NPC1: variants seen among roughly 807,000 people sequenced by gnomAD.
NPC1 encodes the protein NPC intracellular cholesterol transporter 1, also known as Niemann-Pick C1 protein.
In NPC1, 85 loss-of-function variants were observed where a neutral mutation model predicts 140.4. The ratio of observed to expected loss-of-function variants is 0.61; its 90% CI spans 0.51 to 0.72. The LOEUF (loss-of-function observed/expected upper bound fraction) is 0.72, where lower values mean the gene tolerates loss of function less well. Among genes scored for constraint, NPC1 ranks in the 30% least tolerant of loss-of-function variants. The pLI, the probability that NPC1 is intolerant of heterozygous loss-of-function variation, is 0.00. For missense variants in NPC1, 1,504 were observed against 1,623.8 expected, an observed-to-expected ratio of 0.93 and a Z score of 1.27; for synonymous variants, 656 against 624.8, an observed-to-expected ratio of 1.05 and a Z score of -0.74.
rs1301915244 is a variant in NPC1 at position 23,540,433 on chromosome 18, A to G, written c.2604+15T>C. 6.8e-7 allele frequency: 1 copy of G among 1,466,298 alleles called. No homozygotes were observed. Among genetic ancestry groups the G allele is most frequent in the Non-Finnish European group, 9.5e-7 (1 of 1,057,562 alleles). The allele number at this position is 1,466,298 out of a possible 1,614,324, so 90.8% of individuals were successfully genotyped here. ...TAAAGAAGTTAAAAAAAAAAAAAAA[A>G]GGAAGTCATCTTACATCTGGCATCG... On this transcript the variant is annotated intron_variant, in intron 17 of 24. Transcript: ENST00000269228.
Position 23,543,467 on chromosome 18 carries a change from C to CT in NPC1, c.2232dup (p.Ala745SerfsTer27). ...AAAGCATAATTACCTAAGAAAAATG[C>CT]TACAGTCTCAGAAAAGGATGACAGG... On this transcript the variant is annotated frameshift_variant, in exon 14 of 25. Transcript: ENST00000269228. LOFTEE classifies it high-confidence loss of function. The CT allele has an allele frequency of 6.3e-7, 1 of 1,599,492 alleles. No homozygotes were observed.
At chr18:23,537,002 C>T in intron 20 of NPC1, 126 bp from the exon 21 acceptor site, 1 of 760,618 alleles carries the variant, frequency 1.3e-6, no homozygotes, top group Non-Finnish European at 2.3e-6. Context: ...CTGTACATTT[C>T]AGGGATGAAG....
At chr18:23,532,318 A>C in intron 24 of NPC1, 34 bp from the exon 25 acceptor site, 1 of 1,613,274 alleles carries the variant, frequency 6.2e-7, no homozygotes, top group Non-Finnish European at 8.5e-7. Flanking sequence ...TTATTTCTGC[A>C]GGAGAAAGGG....
intron 4 of NPC1, among the ~76,000 whole-genome samples, chr18:23,565,295 A>C (rs1473564936): frequency 6.6e-6 from 1 of 152,182 alleles, no homozygotes; most frequent in African/African-American, 2.4e-5. Context: ...TAAACATGGA[A>C]TGTCTTTCCA....
At chr18:23,513,505 A>G (rs1298050550) in intron 3 of NPC1, among the ~76,000 whole-genome samples, 1 of 152,248 alleles carries the variant, frequency 6.6e-6, no homozygotes, top group African/African-American at 2.4e-5. Flanking sequence ...CTGTCAATAC[A>G]GGTATGCAGA....
chr18:23,544,940 A>ACCACC lies in NPC1; in HGVS notation c.1947+15_1947+19dup, dbSNP rs1555634596. 113 of 1,206,192 alleles carry ACCACC rather than the reference A, an allele frequency of 9.4e-5. 2 individuals carry two copies. Among genetic ancestry groups the ACCACC allele is most frequent in the East Asian group, 2.8e-4 (10 of 35,148 alleles). The allele number at this position is 1,206,192 out of a possible 1,614,324, so 74.7% of individuals were successfully genotyped here. ...ACTGCTGTTAACCTCTAGAACATACACCACCCCCCCCCGGCTTACCAGAAG... is the reference window on the plus strand; with the variant it reads ...ACTGCTGTTAACCTCTAGAACATACACCACCCCACCCCCCCCCGGCTTACCAGAAG... On this transcript the variant is annotated intron_variant, in intron 12 of 24. Transcript: ENST00000269228.
chr18:23,534,024 G>A (rs993624812), intron 23 of NPC1: 16 of 322,132 alleles, frequency 5.0e-5, no homozygotes, highest in South Asian at 2.5e-4. Context: ...AAAGTGTTAC[G>A]AAACAAAGTT....
chr18:23,529,231 G>A (rs758240733), downstream of NPC1: 25 of 1,614,034 alleles, frequency 1.5e-5, no homozygotes, highest in East Asian at 2.2e-5. Flanking sequence ...AGGCCGGTGC[G>A]GACCCAGGCG....
At chr18:23,543,347 G>GAAAAAAAAAAAAAGA (rs2058738389) in intron 14 of NPC1, 108 bp downstream of exon 14, 2 of 404,864 alleles carry the variant, frequency 4.9e-6, no homozygotes, top group African/African-American at 5.6e-5. Flanking sequence ...AAAAAAAAAA[G>GAAAAAAAAAAAAAGA]AAAAAAAAAA....
Position 23,568,857 on chromosome 18 carries a change from C to G in NPC1, c.429G>C (p.Glu143Asp). The G allele has an allele frequency of 1.9e-6, 3 of 1,614,096 alleles. No homozygotes were observed. Among genetic ancestry groups the G allele is most frequent in the South Asian group, 1.1e-5 (1 of 91,086 alleles). The change falls in exon 4 of 25, where the codon GAG (glutamate) becomes GAC (aspartate). Residue 143 changes from glutamate (E) to aspartate (D), a missense_variant. Coordinates refer to ENST00000269228, the MANE Select transcript of NPC1 (RefSeq NM_000271.5). The stretch of plus-strand genomic sequence containing the variant: ...AACTCTGTCCGACGTAGTATTGTAA[C>G]TCTTTCACATTTGTTTTCGTCTGGT... Reference protein sequence around the residue: ...VTNQTKTNVKELQYYVGQSFA... With the variant: ...VTNQTKTNVKDLQYYVGQSFA...
intron 16 of NPC1, 133 bp from the exon 17 acceptor site, chr18:23,540,670 G>A: frequency 1.4e-6 from 1 of 729,256 alleles, no homozygotes; most frequent in Non-Finnish European, 2.4e-6. Context: ...CTAATAGGGA[G>A]TACAGGGCAG....
At position 23,556,337 on chromosome 18, in the gene NPC1, C is replaced by T. The variant is rs77080672; in HGVS notation, c.1232G>A (p.Arg411Gln). The change falls in exon 8 of 25, where the codon CGG becomes CAG. Residue 411 changes from arginine to glutamine, a missense_variant. Coordinates refer to ENST00000269228, the MANE Select transcript of NPC1 (RefSeq NM_000271.5). ...PFFRTEQLIIRAPLTDKHIYQ... is the reference protein window; with the variant it reads ...PFFRTEQLIIQAPLTDKHIYQ... ...AATGTGTTTGTCAGTGAGAGGGGCC[C>T]GGATGATGAGCTGCTCCGTCCGGAA... The T allele has an allele frequency of 3.4e-4, 555 of 1,614,022 alleles. 4 individuals are homozygous for T. The African/African-American group carries it at 6.5e-3, about 19-fold the overall frequency.
At chr18:23,578,854 C>T (rs1434052510) in intron 1 of NPC1, among the ~76,000 whole-genome samples, 1 of 152,256 alleles carries the variant, frequency 6.6e-6, no homozygotes, top group Non-Finnish European at 1.5e-5. Flanking sequence ...TTCGAACCCA[C>T]CTCCCATAGC....
chr18:23,577,103 T>C (rs1465799438), intron 1 of NPC1, among the ~76,000 whole-genome samples: 1 of 150,836 alleles, frequency 6.6e-6, no homozygotes, highest in Non-Finnish European at 1.5e-5. Context: ...CCCCATCAGA[T>C]TAGTTAGATA....
chr18:23,562,363 A>G (rs2059055532), intron 4 of NPC1, among the ~76,000 whole-genome samples: 1 of 152,086 alleles, frequency 6.6e-6, no homozygotes, highest in Middle Eastern at 3.4e-3. Flanking sequence ...TTACACATAC[A>G]CACAACACAT....
At chr18:23,570,961 G>T (rs921590312) in intron 3 of NPC1, among the ~76,000 whole-genome samples, 2 of 152,154 alleles carry the variant, frequency 1.3e-5, no homozygotes, top group Non-Finnish European at 2.9e-5. Flanking sequence ...AGCAAAGCAT[G>T]GGGGGAGAGG....
At position 23,556,293 on chromosome 18, in the gene NPC1, C is replaced by A; in HGVS notation, c.1276G>T (p.Gly426Ter). Reference protein sequence around the residue: ...DKHIYQPYPSGADVPFGPPLD... With the variant: ...DKHIYQPYPS The stretch of plus-strand genomic sequence containing the variant: ...GGAGGTCCAAAGGGTACATCAGCTC[C>A]CGAAGGGTATGGCTGGTAAATGTGT... The change falls in exon 8 of 25, where the codon GGA (glycine) becomes TGA (stop). Residue 426 changes from glycine (G) to a stop codon, truncating the protein, a stop_gained. Transcript: ENST00000269228. LOFTEE classifies it high-confidence loss of function. The A allele has an allele frequency of 6.2e-7, 1 of 1,614,082 alleles. No homozygotes were observed. Among genetic ancestry groups the A allele is most frequent in the Non-Finnish European group, 8.5e-7 (1 of 1,180,014 alleles).
At chr18:23,530,120 C>T (rs774522978), downstream of NPC1, 19 of 1,614,086 alleles carry the variant, frequency 1.2e-5, no homozygotes, top group Non-Finnish European at 1.6e-5. Flanking sequence ...TCCTCAGCGA[C>T]TCCAAACCTT....
In NPC1 at chr18:23,544,698, CAT is replaced by C. The variant is rs528005464; in HGVS notation, c.1948-174_1948-173del. Among the ~76,000 whole-genome samples the C allele has an allele frequency of 5.3e-4, 81 of 152,210 alleles. No individual in the cohort carries two copies. The South Asian group carries it at 8.5e-3, about 16-fold the overall frequency. On this transcript the variant is annotated intron_variant, in intron 12 of 24. Coordinates refer to ENST00000269228, the MANE Select transcript of NPC1 (RefSeq NM_000271.5). ...CATTTCTAGGTCTGCTCGGGCAACA[CAT>C]GTTATGAGTTTGCATTCTTAGGTGA...
Sources: allele counts gnomAD v4.1 joint callset (sites outside exome capture counted in the v4.1 genomes callset), GRCh38; gene constraint gnomAD v4.1.1; transcripts MANE v1.5; gene names NCBI Gene and HGNC (gene_info 2026-07-23, HGNC 2026-07-21).